The following LPP variants were observed in gnomAD, a reference collection of about 807,000 sequenced individuals.
LPP encodes the protein lipoma-preferred partner.
Under a neutral mutation model 60.4 loss-of-function variants are expected in LPP, and 38 were observed. The observed-to-expected ratio is 0.63, with a 90% CI of 0.49 to 0.83. LPP has a LOEUF of 0.83. LPP is among the 40% of genes least tolerant of loss of function. The probability of loss-of-function intolerance (pLI) is 0.00; values close to 1 mark genes in which losing one functional copy is unlikely to be tolerated. For synonymous variants in LPP, 328 were observed against 290.8 expected, an observed-to-expected ratio of 1.13 and a Z score of -1.30; for missense variants, 902 against 783.6, an observed-to-expected ratio of 1.15 and a Z score of -1.80.
intron 8 of LPP, among the ~76,000 whole-genome samples, chr3:188,717,794 T>C (rs1269089971): frequency 6.6e-6 from 1 of 152,222 alleles, no homozygotes; most frequent in Non-Finnish European, 1.5e-5. Flanking sequence ...ACATTAATTT[T>C]TTATTAATTT....
At chr3:188,442,751 T>C (rs776634189) in intron 4 of LPP, among the ~76,000 whole-genome samples, 3 of 152,216 alleles carry the variant, frequency 2.0e-5, no homozygotes, top group Non-Finnish European at 4.4e-5. Flanking sequence ...AGAATCAAGC[T>C]CTGTTTATAC....
chr3:188,246,664 T>G (rs1463620319), intron 2 of LPP, among the ~76,000 whole-genome samples: 1 of 152,160 alleles, frequency 6.6e-6, no homozygotes, highest in East Asian at 1.9e-4. Flanking sequence ...GCAGGAGCAC[T>G]GAATACACCC....
chr3:188,348,427 C>T (rs1278328997), intron 3 of LPP, among the ~76,000 whole-genome samples: 1 of 152,186 alleles, frequency 6.6e-6, no homozygotes, highest in African/African-American at 2.4e-5. Context: ...GGATTACAGG[C>T]ATGAGCCACC....
intron 9 of LPP, among the ~76,000 whole-genome samples, chr3:188,779,649 A>AT (rs1391538779): frequency 6.6e-6 from 1 of 151,394 alleles, no homozygotes; most frequent in East Asian, 1.9e-4. Context: ...AATGGATGCC[A>AT]TTTTTTTTAA....
At chr3:188,582,197 G>A (rs1836391345) in intron 6 of LPP, among the ~76,000 whole-genome samples, 1 of 116,980 alleles carries the variant, frequency 8.5e-6, no homozygotes, top group South Asian at 2.7e-4. Flanking sequence ...CTCTCATTCT[G>A]TCACCCAGGC....
chr3:188,353,616 G>A (rs910413001), intron 3 of LPP, among the ~76,000 whole-genome samples: 1 of 152,116 alleles, frequency 6.6e-6, no homozygotes, highest in Non-Finnish European at 1.5e-5. Context: ...ACTACATACC[G>A]AAGAGGTCTT....
chr3:188,314,713 C>T (rs1366012229), intron 2 of LPP, among the ~76,000 whole-genome samples: 4 of 151,998 alleles, frequency 2.6e-5, no homozygotes, highest in East Asian at 1.9e-4. Flanking sequence ...CCCAGCTACT[C>T]GGGAGGCTGA....
Position 188,887,779 on chromosome 3 carries a change from C to G in LPP, c.*13300C>G, listed in dbSNP as rs975267421. The G allele has an allele frequency of 4.8e-6, 1 of 209,164 alleles. No individual in the cohort carries two copies. The highest frequency in any genetic ancestry group is 9.7e-6 in the Non-Finnish European group (1 of 102,940). 13.0% of individuals were successfully genotyped at this position (209,164 alleles called of 1,614,324 possible). A position where few individuals can be genotyped will look rare whatever the true frequency, so the allele number is the denominator to read the frequency against. The stretch of plus-strand genomic sequence containing the variant: ...GACCCTAGAAACTAAATCTTGTCAC[C>G]AAGACTTTATAGTAAAGTAGTAGCA... On this transcript the variant is annotated 3_prime_UTR_variant, in exon 12 of 12. Transcript: ENST00000617246.
At chr3:188,757,576 A>T (rs928500742) in intron 8 of LPP, among the ~76,000 whole-genome samples, 1 of 152,216 alleles carries the variant, frequency 6.6e-6, no homozygotes, top group Non-Finnish European at 1.5e-5. Flanking sequence ...GACGGGGGGA[A>T]GTGTGGTCCA....
intron 9 of LPP, among the ~76,000 whole-genome samples, chr3:188,792,669 C>T (rs866181218): frequency 6.6e-6 from 1 of 151,978 alleles, no homozygotes; most frequent in African/African-American, 2.4e-5. Context: ...AGAAAAATAA[C>T]AAAAACAAGT....
intron 7 of LPP, among the ~76,000 whole-genome samples, chr3:188,624,469 A>G (rs1846382864): frequency 6.6e-6 from 1 of 152,212 alleles, no homozygotes; most frequent in Non-Finnish European, 1.5e-5. Context: ...ACCTTTGGAT[A>G]GAACATTGAG....
At chr3:188,389,767 C>G (rs906644993) in intron 3 of LPP, among the ~76,000 whole-genome samples, 1 of 102,608 alleles carries the variant, frequency 9.7e-6, no homozygotes, top group African/African-American at 4.3e-5. Context: ...CAGAGTGGGA[C>G]TCCGTCTCAA....
At chr3:188,583,269 T>G (rs1292430256) in intron 6 of LPP, among the ~76,000 whole-genome samples, 2 of 152,194 alleles carry the variant, frequency 1.3e-5, no homozygotes, top group African/African-American at 4.8e-5. Context: ...AGAAGATGTG[T>G]AGTATCTCAT....
intron 9 of LPP, among the ~76,000 whole-genome samples, chr3:188,803,068 AG>A (rs1243168190): frequency 2.4e-4 from 31 of 129,888 alleles, no homozygotes; most frequent in Non-Finnish European, 4.1e-4. Context: ...TTTTTGAGAC[AG>A]GGTCTCACTC....
In LPP at chr3:188,313,237, AAT is replaced by A. The variant is rs1398252337; in HGVS notation, c.-66-28423_-66-28422del. The stretch of plus-strand genomic sequence containing the variant: ...ATGCTTTCAATTATTGTAGCTTTAT[AAT>A]ATGTTTTATTATCTGACAAAGATTC... On this transcript the variant is annotated intron_variant, in intron 2 of 11. Transcript: ENST00000617246. Among the ~76,000 whole-genome samples the A allele has an allele frequency of 3.9e-5, 6 of 152,234 alleles. No homozygotes were observed. The East Asian group carries it at 7.7e-4, about 20-fold the overall frequency.
chr3:188,327,538 A>T (rs1181991801), intron 2 of LPP, among the ~76,000 whole-genome samples: 2 of 152,212 alleles, frequency 1.3e-5, no homozygotes, highest in African/African-American at 2.4e-5. Context: ...TAAGTGGAGC[A>T]GTAGTGGAGT....
At chr3:188,640,636 C>CT (rs1352475597) in intron 7 of LPP, among the ~76,000 whole-genome samples, 2 of 151,106 alleles carry the variant, frequency 1.3e-5, no homozygotes, top group African/African-American at 4.9e-5. Context: ...ATATGGGTAT[C>CT]TTTTTTACAA....
chr3:188,736,876 T>C (rs17671666), intron 8 of LPP, among the ~76,000 whole-genome samples: 30,017 of 152,052 alleles, frequency 0.2, 3,698 homozygotes, highest in Middle Eastern at 0.42. Context: ...AAAGGGAATC[T>C]GCTGAACAAA....
At chr3:188,240,654 A>T (rs184758010) in intron 2 of LPP, among the ~76,000 whole-genome samples, 2 of 152,154 alleles carry the variant, frequency 1.3e-5, no homozygotes, top group Admixed American at 6.5e-5. Flanking sequence ...GCGTAATCAT[A>T]ACTATCCAAT....
Sources: allele counts gnomAD v4.1 joint callset (sites outside exome capture counted in the v4.1 genomes callset), GRCh38; gene constraint gnomAD v4.1.1; transcripts MANE v1.5; gene names NCBI Gene and HGNC (gene_info 2026-07-23, HGNC 2026-07-21).